The following NUP62CL variants were observed in gnomAD, a reference collection of about 807,000 sequenced individuals.
NUP62CL encodes nucleoporin-62 C-terminal-like protein.
Under a neutral mutation model 15.3 loss-of-function variants are expected in NUP62CL, and 13 were observed. That is an observed-to-expected ratio of 0.85 (90% CI 0.55 to 1.35). The LOEUF (loss-of-function observed/expected upper bound fraction) is 1.35, where lower values mean the gene tolerates loss of function less well. NUP62CL is among the 40% of genes most tolerant of loss of function. The pLI, the probability that NUP62CL is intolerant of heterozygous loss-of-function variation, is 0.00. For missense variants in NUP62CL, 123 were observed against 130.6 expected (o/e 0.94, Z 0.28); for synonymous variants, 54 against 49.2 (o/e 1.10, Z -0.41).
chrX:107,132,574 C>T (rs1438084879), intron 8 of NUP62CL, among the ~76,000 whole-genome samples: 2 of 111,074 alleles, frequency 1.8e-5, no homozygotes, highest in South Asian at 3.8e-4. Context: ...GTCTGGGTAA[C>T]GTGGGGAGGC....
At chrX:107,198,559 C>T (rs1314417183) in intron 1 of NUP62CL, among the ~76,000 whole-genome samples, 1 of 111,902 alleles carries the variant, frequency 8.9e-6, no homozygotes, top group East Asian at 2.8e-4. Context: ...AGACCACGAA[C>T]CCATCGGGAG....
At chrX:107,179,091 C>G (rs1172366678) in intron 2 of NUP62CL, among the ~76,000 whole-genome samples, 1 of 103,187 alleles carries the variant, frequency 9.7e-6, no homozygotes, top group African/African-American at 3.5e-5. Context: ...AAGACTCCAT[C>G]TCAAAAAAAA....
intron 4 of NUP62CL, among the ~76,000 whole-genome samples, chrX:107,162,315 A>AT (rs1338689010): frequency 9.0e-6 from 1 of 111,407 alleles, no homozygotes; most frequent in Admixed American, 9.6e-5. Flanking sequence ...TGAAAAACGT[A>AT]TTTAAAAAAA....
chrX:107,151,515 C>CCACACACA (rs59950269), intron 7 of NUP62CL, among the ~76,000 whole-genome samples: 61 of 98,763 alleles, frequency 6.2e-4, no homozygotes, highest in African/African-American at 2.1e-3. Context: ...TCCACCCAAA[C>CCACACACA]CACACACACA....
At chrX:107,171,239 A>G (rs2147807736) in intron 3 of NUP62CL, among the ~76,000 whole-genome samples, 1 of 112,001 alleles carries the variant, frequency 8.9e-6, no homozygotes, top group Non-Finnish European at 1.9e-5. Context: ...GAATAAGTAA[A>G]TACACTTGAA....
rs1181061432 is a variant in NUP62CL at position 107,152,065 on chromosome X, T to TTCAG, written c.530+1106_530+1107insCTGA. On this transcript the variant is annotated intron_variant, in intron 7 of 8. Coordinates refer to ENST00000372466, the MANE Select transcript of NUP62CL (RefSeq NM_017681.3). ...ATATATTCAGATATATATATATATA[T>TTCAG]ATATATATATTCAGATATATATATA... 2.4e-4 allele frequency among the ~76,000 whole-genome samples: 17 copies of TTCAG among 71,072 alleles called. 3 individuals are homozygous for TTCAG. Among genetic ancestry groups the TTCAG allele is most frequent in the African/African-American group, 1.1e-3 (17 of 14,995 alleles). The allele number at this position is 71,072 out of a possible 115,157, so 61.7% of individuals were successfully genotyped here.
At chrX:107,144,606 C>T (rs1267476525) in intron 8 of NUP62CL, among the ~76,000 whole-genome samples, 4 of 111,966 alleles carry the variant, frequency 3.6e-5, no homozygotes, top group African/African-American at 1.3e-4. Flanking sequence ...CAACTCTACC[C>T]GAGAAGCACT....
chrX:107,194,374 A>G (rs1197227973), intron 1 of NUP62CL, among the ~76,000 whole-genome samples: 1 of 111,939 alleles, frequency 8.9e-6, no homozygotes. Context: ...AATAAGGAGC[A>G]ACAACTAGAT....
intron 4 of NUP62CL, among the ~76,000 whole-genome samples, chrX:107,161,833 A>AT (rs1174588339): frequency 9.5e-6 from 1 of 105,779 alleles, no homozygotes. Context: ...AAAAAAATGA[A>AT]AAAAAAATTA....
rs1299246868 is a variant in NUP62CL, at chrX:107,175,203, A to G, written c.-47-10T>C. 1.0e-5 allele frequency: 9 copies of G among 880,247 alleles called. No individual in the cohort carries two copies. The highest frequency in any genetic ancestry group is 1.1e-5 in the Non-Finnish European group (7 of 613,815). The allele number at this position is 880,247 out of a possible 1,213,427, so 72.5% of individuals were successfully genotyped here. A position where few individuals can be genotyped will look rare whatever the true frequency, so the allele number is the denominator to read the frequency against. ...GCTGCTGGAGCCAAACCTAAAAATC[A>G]AAGTAACAAACAGAAAAATATGTCA... On this transcript the variant is annotated splice_polypyrimidine_tract_variant and intron_variant, in intron 2 of 8. Transcript: ENST00000372466.
intron 8 of NUP62CL, among the ~76,000 whole-genome samples, chrX:107,142,158 C>T (rs1456442369): frequency 9.0e-6 from 1 of 110,944 alleles, no homozygotes; most frequent in Non-Finnish European, 1.9e-5. Context: ...TACCCTCAGA[C>T]AATAAATATT....
intron 2 of NUP62CL, among the ~76,000 whole-genome samples, chrX:107,186,345 AAC>A (rs887662927): frequency 3.6e-5 from 4 of 112,012 alleles, no homozygotes; most frequent in African/African-American, 1.3e-4. Context: ...TAAATAATAA[AAC>A]AGTTACTATA....
At chrX:107,140,389 A>G (rs1401848448) in intron 8 of NUP62CL, among the ~76,000 whole-genome samples, 1 of 111,704 alleles carries the variant, frequency 9.0e-6, no homozygotes, top group African/African-American at 3.3e-5. Context: ...ATTAATATTT[A>G]TACCTCCTAC....
At position 107,154,213 on chromosome X, in the gene NUP62CL, A is replaced by G; in HGVS notation, c.228T>C (p.His76=). 8.3e-7 allele frequency: 1 copy of G among 1,204,932 alleles called. No individual in the cohort carries two copies. Among genetic ancestry groups the G allele is most frequent in the Non-Finnish European group, 1.1e-6 (1 of 891,134 alleles). The change falls in exon 5 of 9, where the codon CAT becomes CAC. Residue 76 remains histidine (H), a synonymous_variant. Transcript: ENST00000372466. ...TCCACTCATTTATAAGACCCTCCAG[A>G]TGACCATATGTCATCACAGGAGTTG... ...VVATPVMTYG[H]LEGLINEWNL... is the part of the protein sequence containing the mutation.
At chrX:107,178,535 C>T (rs1367940508) in intron 2 of NUP62CL, among the ~76,000 whole-genome samples, 2 of 111,991 alleles carry the variant, frequency 1.8e-5, no homozygotes, top group Non-Finnish European at 3.8e-5. Context: ...TGAATTGAAC[C>T]AACTTTTTCT....
At chrX:107,125,126 C>A (rs996298593) in intron 8 of NUP62CL, among the ~76,000 whole-genome samples, 3 of 111,808 alleles carry the variant, frequency 2.7e-5, no homozygotes, top group African/African-American at 9.7e-5. Context: ...TCCTCCTCAC[C>A]CTGTTCAACA....
chrX:107,204,696 A>ATTTAAATAAATTTTAAATAAATTATTTT (rs1927572217), intron 1 of NUP62CL, among the ~76,000 whole-genome samples: 2 of 101,256 alleles, frequency 2.0e-5, no homozygotes, highest in Admixed American at 1.0e-4. Flanking sequence ...TAAATTATTT[A>ATTTAAATAAATTTTAAATAAATTATTTT]TTTAAATAAA....
At chrX:107,195,811 C>A (rs1376950370) in intron 1 of NUP62CL, among the ~76,000 whole-genome samples, 1 of 90,336 alleles carries the variant, frequency 1.1e-5, no homozygotes, top group African/African-American at 5.4e-5. Context: ...CCCAAGTGTA[C>A]CACTTTCCTG....
At chrX:107,160,801 A>T (rs1310962370) in intron 4 of NUP62CL, among the ~76,000 whole-genome samples, 32 of 111,391 alleles carry the variant, frequency 2.9e-4, no homozygotes, top group Non-Finnish European at 4.1e-4. Context: ...TAAACTAAAG[A>T]GCTTCTGCAC....
Sources: allele counts gnomAD v4.1 joint callset (sites outside exome capture counted in the v4.1 genomes callset), GRCh38; gene constraint gnomAD v4.1.1; transcripts MANE v1.5; gene names NCBI Gene and HGNC (gene_info 2026-07-23, HGNC 2026-07-21).